IL10RB: variants seen among roughly 807,000 people sequenced by gnomAD.
The protein encoded by IL10RB is interleukin 10 receptor subunit beta.
IL10RB carries 30 observed loss-of-function variants against 38.7 expected under a neutral mutation model. That is an observed-to-expected ratio of 0.78 (90% CI 0.58 to 1.05). The LOEUF is 1.05. IL10RB is among the 50% of genes least tolerant of loss of function. IL10RB has a pLI of 0.00. For missense variants in IL10RB, 328 were observed against 397.1 expected, an observed-to-expected ratio of 0.83 and a Z score of 1.48; for synonymous variants, 142 against 145.9, an observed-to-expected ratio of 0.97 and a Z score of 0.19.
At chr21:33,291,995 C>G (rs1312142705) in intron 6 of IL10RB, among the ~76,000 whole-genome samples, 1 of 152,176 alleles carries the variant, frequency 6.6e-6, no homozygotes, top group Non-Finnish European at 1.5e-5. Flanking sequence ...GGCTGGCTGA[C>G]ATCCACTGGC....
chr21:33,283,497 C>T (rs2076427046), intron 5 of IL10RB, among the ~76,000 whole-genome samples: 1 of 152,150 alleles, frequency 6.6e-6, no homozygotes, highest in Non-Finnish European at 1.5e-5. Context: ...CCTCCATGAG[C>T]CCCCCTTGGC....
intron 5 of IL10RB, among the ~76,000 whole-genome samples, chr21:33,286,018 G>A (rs924340598): frequency 1.3e-5 from 2 of 152,162 alleles, no homozygotes; most frequent in Non-Finnish European, 2.9e-5. Flanking sequence ...AAGGAGTGCT[G>A]AAACCCGCAA....
chr21:33,268,126 T>G, intron 1 of IL10RB: 16 of 897,770 alleles, frequency 1.8e-5, no homozygotes, highest in African/African-American at 3.4e-5. Context: ...GTGCCCACCC[T>G]ACCCCCTCAT....
downstream of IL10RB, among the ~76,000 whole-genome samples, chr21:33,298,172 A>G (rs1271461962): frequency 6.6e-6 from 1 of 152,224 alleles, no homozygotes; most frequent in East Asian, 1.9e-4. Flanking sequence ...TGTTAATCTC[A>G]TCTTTAAAAA....
intron 2 of IL10RB, among the ~76,000 whole-genome samples, chr21:33,269,674 T>A (rs932153549): frequency 6.6e-6 from 1 of 150,730 alleles, no homozygotes; most frequent in Non-Finnish European, 1.5e-5. Context: ...TTTTTTTTTT[T>A]ATGAGACGGA....
At chr21:33,281,095 G>A (rs1301068683) in intron 4 of IL10RB, among the ~76,000 whole-genome samples, 1 of 152,234 alleles carries the variant, frequency 6.6e-6, no homozygotes, top group East Asian at 1.9e-4. Context: ...AAAGGGCAAG[G>A]ATGTAAACAG....
In IL10RB at chr21:33,277,334, CA is replaced by C. The variant is rs373338629; in HGVS notation, c.331+595del. 2.0e-3 allele frequency among the ~76,000 whole-genome samples: 269 copies of C among 136,006 alleles called. 1 individual carries two copies. The highest frequency in any genetic ancestry group is 2.6e-3 in the African/African-American group (95 of 35,970). The allele number at this position is 136,006 out of a possible 152,430, so 89.2% of individuals were successfully genotyped here. On this transcript the variant is annotated intron_variant, in intron 3 of 6. Transcript: ENST00000290200. The stretch of plus-strand genomic sequence containing the variant: ...TGGGCAATAGAGTGAGACTTGGTCT[CA>C]AAAAAAAAAAAAATATTGTTCCCAG...
chr21:33,307,458 TTGCAGCTGCCCAAGACCA>T (rs2083001548), intron 1 of IL10RB, among the ~76,000 whole-genome samples: 1 of 152,208 alleles, frequency 6.6e-6, no homozygotes. Flanking sequence ...TCCCTTTGTC[TTGCAGCTGCCCAAGACCA>T]TGCTTCTGTC....
intron 4 of IL10RB, among the ~76,000 whole-genome samples, chr21:33,281,687 A>G (rs530395692): frequency 6.6e-6 from 1 of 152,240 alleles, no homozygotes; most frequent in East Asian, 1.9e-4. Context: ...GGTTCAAGCA[A>G]TTCTCCTGCC....
chr21:33,268,122 A>T, intron 1 of IL10RB: 4 of 807,002 alleles, frequency 5.0e-6, no homozygotes, highest in Non-Finnish European at 7.2e-6. Context: ...CCATGTGCCC[A>T]CCCTACCCCC....
At chr21:33,282,361 C>T (rs1446992153) in intron 4 of IL10RB, among the ~76,000 whole-genome samples, 2 of 151,944 alleles carry the variant, frequency 1.3e-5, no homozygotes, top group Non-Finnish European at 2.9e-5. Context: ...GGCAAAACCC[C>T]GTCTCTACAA....
intron 1 of IL10RB, among the ~76,000 whole-genome samples, chr21:33,302,905 G>A (rs1220749347): frequency 1.3e-5 from 2 of 152,224 alleles, no homozygotes; most frequent in Non-Finnish European, 1.5e-5. Flanking sequence ...GCTGTACCAA[G>A]GAGGCCTCAC....
At chr21:33,282,422 G>C (rs1989296448) in intron 4 of IL10RB, among the ~76,000 whole-genome samples, 1 of 152,126 alleles carries the variant, frequency 6.6e-6, no homozygotes, top group Non-Finnish European at 1.5e-5. Context: ...TGTATTCTCA[G>C]CTACTCGGGA....
At position 33,296,203 on chromosome 21, in the gene IL10RB, A is replaced by G. The variant is rs753324475; in HGVS notation, c.824A>G (p.His275Arg). 1.9e-6 allele frequency: 3 copies of G among 1,613,974 alleles called. No homozygotes were observed. The East Asian group carries it at 6.7e-5, about 36-fold the overall frequency. Residue 275 changes from histidine (H) to arginine (R), a missense_variant, in exon 7 of 7, where the codon CAT (histidine) becomes CGT (arginine). Physicochemically the swap from His to Arg is conservative, Grantham distance 29. Coordinates refer to ENST00000290200, the MANE Select transcript of IL10RB (RefSeq NM_000628.5). ...HLKEFLGHPHHNTLLFFSFPL... is the reference protein window; with the variant it reads ...HLKEFLGHPHRNTLLFFSFPL... ...CCACAGTTTTTGGGCCATCCTCATCATAACACACTTCTGTTTTTCTCCTTT... is the reference window on the plus strand; with the variant it reads ...CCACAGTTTTTGGGCCATCCTCATCGTAACACACTTCTGTTTTTCTCCTTT...
At chr21:33,282,466 C>T (rs1422081778) in intron 4 of IL10RB, among the ~76,000 whole-genome samples, 1 of 152,098 alleles carries the variant, frequency 6.6e-6, no homozygotes, top group African/African-American at 2.4e-5. Context: ...AGCCTGGCAA[C>T]GGAGGTTGCA....
intron 6 of IL10RB, among the ~76,000 whole-genome samples, chr21:33,293,482 G>T (rs1461464125): frequency 2.0e-5 from 3 of 152,194 alleles, no homozygotes; most frequent in South Asian, 2.1e-4. Flanking sequence ...GGCAAGTGGG[G>T]CACAGGACCA....
intron 5 of IL10RB, among the ~76,000 whole-genome samples, chr21:33,284,884 C>A (rs2123587269): frequency 6.6e-6 from 1 of 152,076 alleles, no homozygotes; most frequent in South Asian, 2.1e-4. Context: ...TATAAATTAC[C>A]CAGTTTTAGT....
At chr21:33,297,900 C>T (rs1375183931), downstream of IL10RB, among the ~76,000 whole-genome samples, 1 of 151,938 alleles carries the variant, frequency 6.6e-6, no homozygotes, top group Non-Finnish European at 1.5e-5. Context: ...AGAAACAGAA[C>T]CAATAGAATG....
At chr21:33,293,145 A>G (rs872708) in intron 6 of IL10RB, among the ~76,000 whole-genome samples, 9,540 of 152,260 alleles carry the variant, frequency 0.063, 657 homozygotes, top group African/African-American at 0.18. Flanking sequence ...CAGGTCCCTG[A>G]ATCTCTACAG....
Sources: gnomAD v4.1 joint callset for allele counts (sites outside exome capture counted in the v4.1 genomes callset) on GRCh38, gnomAD v4.1.1 for gene constraint, MANE v1.5 for transcripts, NCBI Gene and HGNC (gene_info 2026-07-23, HGNC 2026-07-21) for gene names.